Variants in TC2N observed in about 807,000 individuals in gnomAD.
TC2N encodes tandem C2 domains nuclear protein.
A neutral mutation model predicts 61.9 loss-of-function variants in TC2N; 51 were observed. The observed-to-expected ratio is 0.82, with a 90% CI of 0.66 to 1.04. TC2N has a LOEUF of 1.04. TC2N is among the 50% of genes least tolerant of loss of function. The pLI is 0.00. For synonymous variants in TC2N, 204 were observed against 192.6 expected (o/e 1.06, Z -0.49); for missense variants, 556 against 566.7 (o/e 0.98, Z 0.19).
intron 1 of TC2N, among the ~76,000 whole-genome samples, chr14:91,827,076 T>G (rs1054682315): frequency 3.9e-5 from 6 of 152,224 alleles, no homozygotes; most frequent in Admixed American, 1.3e-4. Flanking sequence ...GATAACTGGC[T>G]GATATATATA....
rs968417877 is a variant in TC2N, at chr14:91,779,965, A to T, written c.*3135T>A. 1 of 152,204 alleles carries T rather than the reference A, an allele frequency of 6.6e-6. No homozygotes were observed. Among genetic ancestry groups the T allele is most frequent in the Admixed American group, 6.5e-5 (1 of 15,278 alleles). 9.4% of individuals were successfully genotyped at this position (152,204 alleles called of 1,614,324 possible). ...CTCTTTTAATATATTTCTAAATCTT[A>T]AATCTATATTTCAAAATGAACATGG... On this transcript the variant is annotated 3_prime_UTR_variant, in exon 12 of 12. Transcript: ENST00000435962.
At chr14:91,822,917 G>T (rs1403364604) in intron 1 of TC2N, among the ~76,000 whole-genome samples, 1 of 151,354 alleles carries the variant, frequency 6.6e-6, no homozygotes, top group Admixed American at 6.6e-5. Flanking sequence ...GGGTTTCACC[G>T]TGTTAGCCAG....
Position 91,786,716 on chromosome 14 carries a change from T to A in TC2N, c.1162+797A>T, listed in dbSNP as rs139450373. On this transcript the variant is annotated intron_variant, in intron 10 of 11. Transcript: ENST00000435962. ...TGAATTTGAAATTATATCCTCTTCA[T>A]TGCTCAGAATATCATTCATGTTTTC... is the stretch of plus-strand genomic sequence containing the variant. 7.0e-3 allele frequency among the ~76,000 whole-genome samples: 1,060 copies of A among 152,352 alleles called. 8 individuals carry two copies. Among genetic ancestry groups the A allele is most frequent in the Non-Finnish European group, 0.011 (766 of 68,030 alleles).
At chr14:91,823,600 A>G (rs1325860692) in intron 1 of TC2N, among the ~76,000 whole-genome samples, 7 of 152,008 alleles carry the variant, frequency 4.6e-5, no homozygotes, top group Non-Finnish European at 1.0e-4. Context: ...GAGTCAAGCA[A>G]CTAGATAATG....
intron 2 of TC2N, among the ~76,000 whole-genome samples, 174 bp from the exon 3 acceptor site, chr14:91,812,719 T>C (rs1295147329): frequency 6.6e-6 from 1 of 151,976 alleles, no homozygotes; most frequent in African/African-American, 2.4e-5. Context: ...GTCCAGACGA[T>C]ATTTGAGCAA....
intron 8 of TC2N, among the ~76,000 whole-genome samples, chr14:91,795,525 A>T (rs1358055839): frequency 2.6e-5 from 4 of 152,202 alleles, no homozygotes; most frequent in Middle Eastern, 3.2e-3. Flanking sequence ...ACCTTCCAAC[A>T]GCAAAAAAAT....
At chr14:91,863,449 A>G (rs945548126) in intron 1 of TC2N, among the ~76,000 whole-genome samples, 7 of 152,336 alleles carry the variant, frequency 4.6e-5, no homozygotes, top group East Asian at 1.9e-4. Flanking sequence ...AAACTTCAGG[A>G]AAGTGGAAGT....
chr14:91,831,842 A>G (rs1887784372), intron 1 of TC2N, among the ~76,000 whole-genome samples: 1 of 152,222 alleles, frequency 6.6e-6, no homozygotes, highest in African/African-American at 2.4e-5. Context: ...TGCTTTTAGT[A>G]GAAAATATCA....
chr14:91,797,941 T>C, intron 7 of TC2N, 40 bp from the exon 8 acceptor site: 2 of 1,241,542 alleles, frequency 1.6e-6, no homozygotes, highest in Non-Finnish European at 2.3e-6. Context: ...TTACAAAGGA[T>C]CCAACAATAC....
chr14:91,803,910 C>T (rs773964912), intron 3 of TC2N, among the ~76,000 whole-genome samples: 4 of 152,110 alleles, frequency 2.6e-5, no homozygotes, highest in Non-Finnish European at 4.4e-5. Context: ...TAACCAGGCC[C>T]GACCCTGCTT....
At chr14:91,838,930 A>G (rs981464833) in intron 1 of TC2N, among the ~76,000 whole-genome samples, 3 of 152,164 alleles carry the variant, frequency 2.0e-5, no homozygotes, top group African/African-American at 7.2e-5. Context: ...ATCTCTTCCC[A>G]CAAAAGGATC....
At chr14:91,818,075 G>A (rs1369486526) in intron 1 of TC2N, among the ~76,000 whole-genome samples, 2 of 152,084 alleles carry the variant, frequency 1.3e-5, no homozygotes, top group African/African-American at 2.4e-5. Context: ...TCCCTTGAGG[G>A]AGTTTCCAGG....
chr14:91,855,288 T>C (rs1222192406), intron 1 of TC2N, among the ~76,000 whole-genome samples: 1 of 152,058 alleles, frequency 6.6e-6, no homozygotes, highest in African/African-American at 2.4e-5. Context: ...ACAAACCGAG[T>C]GGCTTAAAAC....
At chr14:91,827,756 T>C (rs1342474393) in intron 1 of TC2N, among the ~76,000 whole-genome samples, 3 of 152,228 alleles carry the variant, frequency 2.0e-5, no homozygotes, top group East Asian at 3.8e-4. Context: ...AATTTCCTTT[T>C]ATTTAAATAG....
intron 1 of TC2N, among the ~76,000 whole-genome samples, chr14:91,858,272 G>A (rs573774222): frequency 8.8e-4 from 133 of 151,022 alleles, no homozygotes; most frequent in African/African-American, 3.1e-3. Context: ...GATTACAGGC[G>A]TGAGCCATCA....
intron 1 of TC2N, among the ~76,000 whole-genome samples, chr14:91,842,976 G>T (rs564347332): frequency 6.6e-6 from 1 of 152,246 alleles, no homozygotes; most frequent in East Asian, 1.9e-4. Context: ...TTTGGGTTCA[G>T]CCACATGATT....
intron 3 of TC2N, among the ~76,000 whole-genome samples, chr14:91,806,989 C>G (rs950913280): frequency 6.6e-6 from 1 of 152,192 alleles, no homozygotes; most frequent in African/African-American, 2.4e-5. Flanking sequence ...CCCAGTTGCT[C>G]TAGCAATGGC....
At chr14:91,852,697 G>A (rs1323660151) in intron 1 of TC2N, among the ~76,000 whole-genome samples, 3 of 152,170 alleles carry the variant, frequency 2.0e-5, no homozygotes, top group East Asian at 1.9e-4. Flanking sequence ...TGCATGACAT[G>A]TTTGAGGAAC....
At position 91,806,645 on chromosome 14, in the gene TC2N, C is replaced by T. The variant is rs1566770834; in HGVS notation, c.302-4224G>A. ...TCTGGTGGAAGAAATTTCTAAGCAG[C>T]AAAGCATTCAAGAGGTGACCTGGCT... On this transcript the variant is annotated intron_variant, in intron 3 of 11. Transcript: ENST00000435962. Among the ~76,000 whole-genome samples, 5 of 152,052 alleles carry T rather than the reference C, an allele frequency of 3.3e-5. No individual in the cohort carries two copies. The South Asian group carries it at 8.3e-4, about 25-fold the overall frequency.
Sources: gnomAD v4.1 joint callset for allele counts (sites outside exome capture counted in the v4.1 genomes callset) on GRCh38, gnomAD v4.1.1 for gene constraint, MANE v1.5 for transcripts, NCBI Gene and HGNC (gene_info 2026-07-23, HGNC 2026-07-21) for gene names.